SVOP: variants seen among roughly 807,000 people sequenced by gnomAD.
The protein encoded by SVOP is SV2 related protein, also known as synaptic vesicle 2-related protein.
In SVOP, 17 loss-of-function variants were observed where a neutral mutation model predicts 69.1. The observed-to-expected ratio is 0.25, with a 90% CI of 0.17 to 0.37. SVOP has a LOEUF of 0.37. Ranked by LOEUF, SVOP falls within the 10% of genes least tolerant of loss-of-function variation. The pLI is 1.00. For synonymous variants in SVOP, 238 were observed against 238.6 expected (o/e 1.00, Z 0.02); for missense variants, 435 against 597.5 (o/e 0.73, Z 2.84).
rs372936583 is a variant in SVOP, at chr12:108,936,250, G to T, written c.971+1014C>A. Among the ~76,000 whole-genome samples the T allele has an allele frequency of 5.9e-5, 9 of 152,174 alleles. No individual in the cohort carries two copies. In the East Asian group the frequency reaches 1.7e-3, roughly 30 times the overall value. On this transcript the variant is annotated intron_variant, in intron 10 of 15. Coordinates refer to ENST00000610966, the MANE Select transcript of SVOP (RefSeq NM_018711.5). ...AGTAGAGATAGGATTATGCCATGTT[G>T]GCCAGGCTGATCTCGAACTCCTGAC...
chr12:108,934,108 A>G (rs1434711551), intron 11 of SVOP, 87 bp downstream of exon 11: 23 of 1,193,882 alleles, frequency 1.9e-5, no homozygotes, highest in Non-Finnish European at 2.8e-5. Context: ...CCTTAAGGGC[A>G]GAGCCTGGGG....
At chr12:108,930,581 T>C (rs1027502443) in intron 11 of SVOP, among the ~76,000 whole-genome samples, 13 of 152,038 alleles carry the variant, frequency 8.6e-5, no homozygotes, top group African/African-American at 2.7e-4. Context: ...ATTATAGGCA[T>C]GTGCCACCAC....
At chr12:108,914,038 G>A (rs1036836567) in intron 15 of SVOP, among the ~76,000 whole-genome samples, 3 of 152,212 alleles carry the variant, frequency 2.0e-5, no homozygotes, top group Admixed American at 2.0e-4. Flanking sequence ...GAGGCACATG[G>A]TGAGCTCTCA....
At chr12:108,934,021 A>G (rs1050915229) in intron 11 of SVOP, among the ~76,000 whole-genome samples, 174 bp downstream of exon 11, 3 of 152,178 alleles carry the variant, frequency 2.0e-5, no homozygotes, top group Admixed American at 1.3e-4. Flanking sequence ...CTCCTCTAAG[A>G]TTAGCTCCAT....
At chr12:108,954,697 T>C (rs1481963875) in intron 6 of SVOP, among the ~76,000 whole-genome samples, 1 of 152,188 alleles carries the variant, frequency 6.6e-6, no homozygotes, top group Non-Finnish European at 1.5e-5. Context: ...GATCCACTGA[T>C]GGCACCATTT....
intron 12 of SVOP, 66 bp from the exon 13 acceptor site, chr12:108,919,852 G>T: frequency 2.7e-6 from 3 of 1,103,454 alleles, no homozygotes; most frequent in Non-Finnish European, 4.0e-6. Flanking sequence ...CATCCTCGTA[G>T]CACAGCCTGT....
intron 6 of SVOP, among the ~76,000 whole-genome samples, chr12:108,955,690 T>G (rs2039981487): frequency 6.6e-6 from 1 of 152,154 alleles, no homozygotes. Context: ...ATACCTTGAG[T>G]CATTCATCCG....
chr12:109,009,349 A>T (rs2040328730), intron 1 of SVOP, among the ~76,000 whole-genome samples: 1 of 152,078 alleles, frequency 6.6e-6, no homozygotes, highest in Admixed American at 6.6e-5. Context: ...TCTTGCCCCC[A>T]TGGAACTTAG....
intron 1 of SVOP, among the ~76,000 whole-genome samples, chr12:109,019,312 TGTC>T (rs1332932119): frequency 6.6e-6 from 1 of 152,178 alleles, no homozygotes; most frequent in Admixed American, 6.5e-5. Context: ...AAGAAGGAAT[TGTC>T]ATGATAATGT....
intron 5 of SVOP, among the ~76,000 whole-genome samples, chr12:108,968,133 G>A (rs1402847588): frequency 6.6e-6 from 1 of 152,228 alleles, no homozygotes; most frequent in Non-Finnish European, 1.5e-5. Context: ...TGCTGCTCTA[G>A]AGAGGATAAG....
At chr12:108,919,917 A>G (rs1332780180) in intron 12 of SVOP, 131 bp from the exon 13 acceptor site, 4 of 604,148 alleles carry the variant, frequency 6.6e-6, no homozygotes, top group Middle Eastern at 4.5e-4. Flanking sequence ...TCTAATGACT[A>G]GAAGACAGCA....
intron 1 of SVOP, among the ~76,000 whole-genome samples, chr12:108,997,554 T>A (rs1167720332): frequency 1.3e-5 from 2 of 152,070 alleles, no homozygotes; most frequent in Non-Finnish European, 2.9e-5. Context: ...CAGACTTAAA[T>A]GTCCCTGTCT....
intron 8 of SVOP, among the ~76,000 whole-genome samples, chr12:108,939,394 C>T (rs2039876458): frequency 6.6e-6 from 1 of 152,164 alleles, no homozygotes; most frequent in Non-Finnish European, 1.5e-5. Context: ...CAAGGAATTA[C>T]ACCTCACCTG....
intron 10 of SVOP, among the ~76,000 whole-genome samples, chr12:108,935,083 C>T (rs2039848281): frequency 6.6e-6 from 1 of 152,186 alleles, no homozygotes; most frequent in Non-Finnish European, 1.5e-5. Flanking sequence ...ACAACACCTC[C>T]AAGGCTGTCT....
At chr12:108,930,585 C>A (rs1436965471) in intron 11 of SVOP, among the ~76,000 whole-genome samples, 5 of 152,096 alleles carry the variant, frequency 3.3e-5, no homozygotes, top group Admixed American at 2.6e-4. Flanking sequence ...TAGGCATGTG[C>A]CACCACACTC....
intron 7 of SVOP, among the ~76,000 whole-genome samples, chr12:108,943,558 A>G (rs2039904856): frequency 6.6e-6 from 1 of 150,688 alleles, no homozygotes; most frequent in African/African-American, 2.4e-5. Context: ...AGATCGCGCC[A>G]CTGCACTCCA....
intron 12 of SVOP, 50 bp from the exon 13 acceptor site, chr12:108,919,836 G>T: frequency 7.9e-7 from 1 of 1,272,952 alleles, no homozygotes; most frequent in Non-Finnish European, 1.1e-6. Flanking sequence ...GATTCCCAAT[G>T]CCCTCCATCC....
At chr12:108,939,043 G>A (rs1306301323) in intron 8 of SVOP, 88 bp from the exon 9 acceptor site, 7 of 1,571,090 alleles carry the variant, frequency 4.5e-6, no homozygotes, top group Middle Eastern at 2.0e-4. Flanking sequence ...TGCATGTGGG[G>A]TCTTTAAGAG....
intron 5 of SVOP, among the ~76,000 whole-genome samples, chr12:108,971,246 T>C (rs978344758): frequency 1.3e-5 from 2 of 152,158 alleles, no homozygotes; most frequent in South Asian, 2.1e-4. Flanking sequence ...CTGGCCAACA[T>C]GGTGAAACCC....
Sources: allele counts gnomAD v4.1 joint callset (sites outside exome capture counted in the v4.1 genomes callset), GRCh38; gene constraint gnomAD v4.1.1; transcripts MANE v1.5; gene names NCBI Gene and HGNC (gene_info 2026-07-23, HGNC 2026-07-21).